The following CNTNAP5 variants were observed in gnomAD, a reference collection of about 807,000 sequenced individuals.
CNTNAP5 encodes contactin-associated protein-like 5.
CNTNAP5 carries 72 observed loss-of-function variants against 150.2 expected under a neutral mutation model. The ratio of observed to expected loss-of-function variants is 0.48; its 90% CI spans 0.40 to 0.58. The LOEUF (loss-of-function observed/expected upper bound fraction) is 0.58, where lower values mean the gene tolerates loss of function less well. CNTNAP5 is among the 20% of genes least tolerant of loss of function. The probability of loss-of-function intolerance (pLI) is 0.00; values close to 1 mark genes in which losing one functional copy is unlikely to be tolerated. For synonymous variants in CNTNAP5, 672 were observed against 619.8 expected (o/e 1.08, Z -1.25); for missense variants, 1,636 against 1,626.2 (o/e 1.01, Z -0.10).
intron 10 of CNTNAP5, among the ~76,000 whole-genome samples, chr2:124,540,336 A>T (rs13409718): frequency 6.6e-6 from 1 of 152,148 alleles, no homozygotes; most frequent in Non-Finnish European, 1.5e-5. Context: ...GTAAAACCCT[A>T]TACTCTGAAA....
chr2:124,861,290 T>C (rs959084794), intron 19 of CNTNAP5, among the ~76,000 whole-genome samples: 26 of 152,180 alleles, frequency 1.7e-4, no homozygotes, highest in African/African-American at 6.3e-4. Context: ...ATAATGATGC[T>C]GGCCAGGCGT....
chr2:124,321,141 T>TA (rs776602685), intron 3 of CNTNAP5, among the ~76,000 whole-genome samples: 20 of 152,158 alleles, frequency 1.3e-4, no homozygotes, highest in Admixed American at 3.3e-4. Context: ...GTGCTGGAGC[T>TA]AAAAATAAAG....
chr2:124,379,880 G>A (rs911090559), intron 3 of CNTNAP5, among the ~76,000 whole-genome samples: 1 of 152,126 alleles, frequency 6.6e-6, no homozygotes, highest in African/African-American at 2.4e-5. Flanking sequence ...AGAGGAGAGG[G>A]TGAAGAGGGT....
chr2:124,089,306 AT>A (rs796653687), intron 1 of CNTNAP5, among the ~76,000 whole-genome samples: 39 of 151,926 alleles, frequency 2.6e-4, no homozygotes, highest in African/African-American at 8.9e-4. Flanking sequence ...GAAGAAAAAT[AT>A]TTCGTTGGAC....
At chr2:124,638,224 ATGATACATATATAT>A (rs1449202779) in intron 12 of CNTNAP5, among the ~76,000 whole-genome samples, 2 of 150,142 alleles carry the variant, frequency 1.3e-5, no homozygotes, top group African/African-American at 4.9e-5. Context: ...ATACATATAT[ATGATACATATATAT>A]GTAACTTCTC....
chr2:124,727,929 G>A (rs1029331643), intron 13 of CNTNAP5, among the ~76,000 whole-genome samples: 2 of 152,106 alleles, frequency 1.3e-5, no homozygotes, highest in African/African-American at 2.4e-5. Context: ...TGAGTATGAC[G>A]TTAGCTGTAG....
intron 2 of CNTNAP5, among the ~76,000 whole-genome samples, chr2:124,225,725 A>G (rs1463180942): frequency 6.6e-6 from 1 of 152,202 alleles, no homozygotes; most frequent in Non-Finnish European, 1.5e-5. Flanking sequence ...TATTCAGAGA[A>G]TGTATTCATA....
At chr2:124,201,200 T>G (rs918928183) in intron 1 of CNTNAP5, among the ~76,000 whole-genome samples, 1 of 152,226 alleles carries the variant, frequency 6.6e-6, no homozygotes, top group Admixed American at 6.5e-5. Flanking sequence ...TAATAGGAAC[T>G]GAGAAGGACT....
rs772664029 is a variant in CNTNAP5 at position 124,914,292 on chromosome 2, A to G, written c.*4A>G. On this transcript the variant is annotated 3_prime_UTR_variant, in exon 24 of 24. Transcript: ENST00000682447. Reference sequence around the variant, plus strand: ...TAAACGGGAATATTTCATCTGAGAAACTGCAGGGTTCCTACTACTCTTTTT... The same window carrying G: ...TAAACGGGAATATTTCATCTGAGAAGCTGCAGGGTTCCTACTACTCTTTTT... The G allele has an allele frequency of 1.9e-6, 3 of 1,603,340 alleles. No individual in the cohort carries two copies. The Admixed American group carries it at 5.0e-5, about 27-fold the overall frequency.
chr2:124,626,104 T>C (rs1243494078), intron 12 of CNTNAP5, among the ~76,000 whole-genome samples: 1 of 152,148 alleles, frequency 6.6e-6, no homozygotes, highest in Non-Finnish European at 1.5e-5. Context: ...GTAATCACTT[T>C]TATTTCAGAG....
intron 8 of CNTNAP5, among the ~76,000 whole-genome samples, chr2:124,520,015 G>A (rs1694816858): frequency 6.6e-6 from 1 of 152,080 alleles, no homozygotes; most frequent in African/African-American, 2.4e-5. Flanking sequence ...TATAAAAAAT[G>A]TACATTAAAA....
intron 3 of CNTNAP5, among the ~76,000 whole-genome samples, chr2:124,293,521 A>G (rs1688352638): frequency 6.6e-6 from 1 of 152,228 alleles, no homozygotes; most frequent in Non-Finnish European, 1.5e-5. Context: ...AAGAATATCA[A>G]TAGCACTTTG....
chr2:124,525,241 G>A (rs954245040), intron 9 of CNTNAP5, among the ~76,000 whole-genome samples: 1 of 152,110 alleles, frequency 6.6e-6, no homozygotes, highest in Non-Finnish European at 1.5e-5. Flanking sequence ...TCTCTGAAAA[G>A]GATTTAACCT....
At chr2:124,876,455 T>A (rs1444927243) in intron 21 of CNTNAP5, among the ~76,000 whole-genome samples, 1 of 151,636 alleles carries the variant, frequency 6.6e-6, no homozygotes, top group African/African-American at 2.4e-5. Context: ...TTGCTCTCCC[T>A]TTTTTAAGAG....
chr2:124,149,403 CA>C (rs71394025), intron 1 of CNTNAP5, among the ~76,000 whole-genome samples: 7,591 of 82,510 alleles, frequency 0.092, 147 homozygotes, highest in Admixed American at 0.19. Context: ...GCGTCAATTG[CA>C]AAAAAAAAAA....
chr2:124,452,619 G>A (rs151253321), intron 6 of CNTNAP5, among the ~76,000 whole-genome samples: 2 of 152,284 alleles, frequency 1.3e-5, no homozygotes, highest in African/African-American at 4.8e-5. Context: ...AAACAAAGCT[G>A]CAGATCCTCA....
intron 3 of CNTNAP5, among the ~76,000 whole-genome samples, chr2:124,329,562 C>A (rs56354196): frequency 0.17 from 25,713 of 151,888 alleles, 2,259 homozygotes; most frequent in East Asian, 0.29. Flanking sequence ...GTGCTCTGAG[C>A]CCTAACATTT....
At chr2:124,098,316 G>A (rs1276430387) in intron 1 of CNTNAP5, among the ~76,000 whole-genome samples, 1 of 152,152 alleles carries the variant, frequency 6.6e-6, no homozygotes, top group Non-Finnish European at 1.5e-5. Context: ...TTCATGCTGA[G>A]TAGGCTTAGA....
At chr2:124,682,903 C>CA (rs1265010246) in intron 13 of CNTNAP5, among the ~76,000 whole-genome samples, 3 of 151,952 alleles carry the variant, frequency 2.0e-5, no homozygotes, top group Non-Finnish European at 2.9e-5. Context: ...GGAACTTAAC[C>CA]AAAAAAATTG....
Sources: gnomAD v4.1 joint callset for allele counts (sites outside exome capture counted in the v4.1 genomes callset) on GRCh38, gnomAD v4.1.1 for gene constraint, MANE v1.5 for transcripts, NCBI Gene and HGNC (gene_info 2026-07-23, HGNC 2026-07-21) for gene names.